PRKCE: variants seen among roughly 807,000 people sequenced by gnomAD.
The protein encoded by PRKCE is protein kinase C epsilon type.
Under a neutral mutation model 85.4 loss-of-function variants are expected in PRKCE, and 16 were observed. That is an observed-to-expected ratio of 0.19 (90% CI 0.13 to 0.28). The LOEUF (loss-of-function observed/expected upper bound fraction) is 0.28, where lower values mean the gene tolerates loss of function less well. Ranked by LOEUF, PRKCE falls within the 10% of genes least tolerant of loss-of-function variation. The pLI is 1.00. For synonymous variants in PRKCE, 388 were observed against 371.5 expected (o/e 1.04, Z -0.51); for missense variants, 573 against 975.2 (o/e 0.59, Z 5.49).
intron 1 of PRKCE, among the ~76,000 whole-genome samples, chr2:45,842,577 A>C (rs1442144843): frequency 6.6e-6 from 1 of 152,186 alleles, no homozygotes; most frequent in East Asian, 1.9e-4. Flanking sequence ...AAAATGGGAT[A>C]ACATAGGGCT....
At chr2:46,119,689 A>T (rs770782652) in intron 11 of PRKCE, among the ~76,000 whole-genome samples, 1 of 152,230 alleles carries the variant, frequency 6.6e-6, no homozygotes, top group Non-Finnish European at 1.5e-5. Flanking sequence ...AAATATTTGC[A>T]AAGAGACTCT....
intron 2 of PRKCE, among the ~76,000 whole-genome samples, chr2:45,897,151 TG>T (rs1306908312): frequency 6.6e-6 from 1 of 152,214 alleles, no homozygotes; most frequent in East Asian, 1.9e-4. Flanking sequence ...TATCTAAAAC[TG>T]TATTACACAC....
chr2:46,007,731 T>A, intron 9 of PRKCE, 70 bp downstream of exon 9: 1 of 1,492,312 alleles, frequency 6.7e-7, no homozygotes. Context: ...CTGTTTGATC[T>A]AAGATTGAGA....
At position 46,033,105 on chromosome 2, in the gene PRKCE, A is replaced by G. The variant is rs369969522; in HGVS notation, c.1437+22588A>G. 8.0e-4 allele frequency among the ~76,000 whole-genome samples: 122 copies of G among 152,342 alleles called. 2 individuals are homozygous for G. The highest frequency in any genetic ancestry group is 2.7e-3 in the African/African-American group (114 of 41,584). Reference sequence around the variant, plus strand: ...GGCCTCCACTTATGACGCAATGACAAGAAGTCAACATGTAGTATTTACAAA... The same window carrying G: ...GGCCTCCACTTATGACGCAATGACAGGAAGTCAACATGTAGTATTTACAAA... On this transcript the variant is annotated intron_variant, in intron 10 of 14. Coordinates refer to ENST00000306156, the MANE Select transcript of PRKCE (RefSeq NM_005400.3).
chr2:46,124,328 CA>C (rs1466929485), intron 11 of PRKCE, among the ~76,000 whole-genome samples: 5 of 151,804 alleles, frequency 3.3e-5, no homozygotes, highest in Non-Finnish European at 5.9e-5. Context: ...GCATCTCAAA[CA>C]AAAAAGAAAG....
At chr2:45,692,438 C>T (rs954380964) in intron 1 of PRKCE, among the ~76,000 whole-genome samples, 4 of 152,104 alleles carry the variant, frequency 2.6e-5, no homozygotes, top group African/African-American at 7.2e-5. Flanking sequence ...CTGTCTTCTC[C>T]TCTTCTTATA....
chr2:46,143,347 G>C (rs1033640432), intron 11 of PRKCE, among the ~76,000 whole-genome samples: 2 of 152,088 alleles, frequency 1.3e-5, no homozygotes, highest in Non-Finnish European at 2.9e-5. Context: ...GGATAGAGGG[G>C]CATGTGACTC....
chr2:46,077,191 A>G (rs200522915), intron 10 of PRKCE, among the ~76,000 whole-genome samples: 1 of 150,628 alleles, frequency 6.6e-6, no homozygotes, highest in Non-Finnish European at 1.5e-5. Context: ...ACACACACGC[A>G]CGCGCACACC....
chr2:45,950,925 C>G (rs1274128263), intron 2 of PRKCE, among the ~76,000 whole-genome samples: 1 of 152,156 alleles, frequency 6.6e-6, no homozygotes, highest in Non-Finnish European at 1.5e-5. Flanking sequence ...ATTTCTTTGA[C>G]TTATCTCTGC....
At chr2:45,827,857 C>T (rs1690075844) in intron 1 of PRKCE, among the ~76,000 whole-genome samples, 1 of 152,232 alleles carries the variant, frequency 6.6e-6, no homozygotes. Context: ...CTGACTTTGA[C>T]ATACCTAATA....
intron 2 of PRKCE, among the ~76,000 whole-genome samples, chr2:45,883,245 T>G (rs1181332391): frequency 6.6e-6 from 1 of 152,222 alleles, no homozygotes; most frequent in Non-Finnish European, 1.5e-5. Flanking sequence ...GATTTGGATT[T>G]TGTGGAGATT....
chr2:45,887,498 G>A lies in PRKCE; in HGVS notation c.412+44435G>A, dbSNP rs188523376. Among the ~76,000 whole-genome samples the A allele has an allele frequency of 3.3e-4, 50 of 151,866 alleles. No individual in the cohort carries two copies. The East Asian group carries it at 7.6e-3, about 23-fold the overall frequency. On this transcript the variant is annotated intron_variant, in intron 2 of 14. Transcript: ENST00000306156. ...CTGAAGACAAAGGTCTCTAGGTGGC[G>A]GTTTCAGGAATAAGTACCCCGGAAC... is the stretch of plus-strand genomic sequence containing the variant.
In PRKCE at chr2:46,010,327, C is replaced by T. The variant is rs1247852794; in HGVS notation, c.1264-17C>T. The T allele has an allele frequency of 7.6e-6, 12 of 1,580,682 alleles. No individual in the cohort carries two copies. The highest frequency in any genetic ancestry group is 1.0e-5 in the Non-Finnish European group (12 of 1,166,574). The stretch of plus-strand genomic sequence containing the variant: ...CCATACATGCATAGATTGATGGAGG[C>T]AATTGATTGATTGCAGGTCATGTTG... On this transcript the variant is annotated splice_polypyrimidine_tract_variant and intron_variant, in intron 9 of 14. Coordinates refer to ENST00000306156, the MANE Select transcript of PRKCE (RefSeq NM_005400.3).
chr2:45,987,177 G>A (rs1489034961), intron 6 of PRKCE, among the ~76,000 whole-genome samples: 1 of 152,158 alleles, frequency 6.6e-6, no homozygotes, highest in Non-Finnish European at 1.5e-5. Context: ...GACCCTGGAA[G>A]AAGGAGGGGC....
chr2:45,979,124 G>C lies in PRKCE; in HGVS notation c.607+114G>C, dbSNP rs1702685732. ...GACATTTGGAGGCTCTCCACAGCTT[G>C]CATGCTTTCTTTGTTCCCACTTGAC... is the stretch of plus-strand genomic sequence containing the variant. On this transcript the variant is annotated intron_variant, in intron 4 of 14. Transcript: ENST00000306156. 5.1e-6 allele frequency: 5 copies of C among 989,108 alleles called. No individual in the cohort carries two copies. The East Asian group carries it at 1.2e-4, about 24-fold the overall frequency. 61.3% of individuals were successfully genotyped at this position (989,108 alleles called of 1,614,324 possible). A position where few individuals can be genotyped will look rare whatever the true frequency, so the allele number is the denominator to read the frequency against.
chr2:45,710,087 C>A (rs138898934), intron 1 of PRKCE, among the ~76,000 whole-genome samples: 1 of 152,334 alleles, frequency 6.6e-6, no homozygotes, highest in Non-Finnish European at 1.5e-5. Context: ...TAGGCTACTG[C>A]GCCTGGCCCA....
chr2:46,000,704 C>CT (rs549445819), intron 6 of PRKCE, among the ~76,000 whole-genome samples: 56 of 152,308 alleles, frequency 3.7e-4, no homozygotes, highest in Admixed American at 7.8e-4. Context: ...CTGGGTCCCC[C>CT]TTAGAGTTTT....
At chr2:45,691,589 T>A (rs1235689426) in intron 1 of PRKCE, among the ~76,000 whole-genome samples, 1 of 152,256 alleles carries the variant, frequency 6.6e-6, no homozygotes, top group Non-Finnish European at 1.5e-5. Flanking sequence ...CTTCGTTGAC[T>A]TGAAAGTGCA....
At chr2:45,735,935 A>G (rs1286686199) in intron 1 of PRKCE, among the ~76,000 whole-genome samples, 1 of 152,166 alleles carries the variant, frequency 6.6e-6, no homozygotes, top group Non-Finnish European at 1.5e-5. Flanking sequence ...ATATTGTCCC[A>G]TGTATTTTTT....
Sources: allele counts gnomAD v4.1 joint callset (sites outside exome capture counted in the v4.1 genomes callset), GRCh38; gene constraint gnomAD v4.1.1; transcripts MANE v1.5; gene names NCBI Gene and HGNC (gene_info 2026-07-23, HGNC 2026-07-21).